SLCO5A1: variants seen among roughly 807,000 people sequenced by gnomAD.
The protein encoded by SLCO5A1 is solute carrier organic anion transporter family member 5A1, also known as organic anion transporter polypeptide-related protein 4.
SLCO5A1 carries 39 observed loss-of-function variants against 65.1 expected under a neutral mutation model. The observed-to-expected ratio is 0.60, with a 90% confidence interval of 0.46 to 0.78. The LOEUF is 0.78. Among genes scored for constraint, SLCO5A1 ranks in the 30% least tolerant of loss-of-function variants. SLCO5A1 has a pLI of 0.00. For missense variants in SLCO5A1, 1,029 were observed against 1,069.4 expected, an observed-to-expected ratio of 0.96 and a Z score of 0.53; for synonymous variants, 438 against 415.7, an observed-to-expected ratio of 1.05 and a Z score of -0.65.
At chr8:69,723,563 T>A (rs999151598) in intron 5 of SLCO5A1, among the ~76,000 whole-genome samples, 13 of 152,166 alleles carry the variant, frequency 8.5e-5, no homozygotes, top group African/African-American at 2.9e-4. Flanking sequence ...AGTTAACATC[T>A]TTCTCAAAAT....
At chr8:69,806,422 C>T (rs900353130) in intron 2 of SLCO5A1, among the ~76,000 whole-genome samples, 2 of 152,132 alleles carry the variant, frequency 1.3e-5, no homozygotes, top group Non-Finnish European at 2.9e-5. Flanking sequence ...TGCTAGGACC[C>T]GGCATTTAAC....
intron 3 of SLCO5A1, among the ~76,000 whole-genome samples, chr8:69,757,625 G>A (rs988791928): frequency 1.3e-5 from 2 of 152,224 alleles, no homozygotes; most frequent in African/African-American, 4.8e-5. Flanking sequence ...GTTGCAGTGA[G>A]CTGAGACCTT....
At position 69,672,660 on chromosome 8, in the gene SLCO5A1, CCTT is replaced by C. The variant is rs1813374855; in HGVS notation, c.*206_*208del. ...TGGGAACAAATCTAGCTGAACGTCTCCTTCTTGGAGAGAAGCGGGGAAAGGCTC... is the reference window on the plus strand; with the variant it reads ...TGGGAACAAATCTAGCTGAACGTCTCCTTGGAGAGAAGCGGGGAAAGGCTC... On this transcript the variant is annotated 3_prime_UTR_variant, in exon 10 of 10. Transcript: ENST00000260126. The C allele has an allele frequency of 3.4e-6, 2 of 586,540 alleles. No homozygotes were observed. The highest frequency in any genetic ancestry group is 5.9e-6 in the Non-Finnish European group (2 of 337,058). The allele number at this position is 586,540 out of a possible 1,614,324, so 36.3% of individuals were successfully genotyped here.
At chr8:69,792,717 G>T (rs1194405383) in intron 2 of SLCO5A1, among the ~76,000 whole-genome samples, 1 of 152,042 alleles carries the variant, frequency 6.6e-6, no homozygotes, top group Admixed American at 6.5e-5. Flanking sequence ...GAGACCAGGA[G>T]ATTCACTGGT....
Position 69,670,942 on chromosome 8 carries a change from A to G in SLCO5A1, c.*1927T>C, listed in dbSNP as rs1813311917. 1 of 152,278 alleles carries G rather than the reference A, an allele frequency of 6.6e-6. No homozygotes were observed. 9.4% of individuals were successfully genotyped at this position (152,278 alleles called of 1,614,324 possible). On this transcript the variant is annotated 3_prime_UTR_variant, in exon 10 of 10. Coordinates refer to ENST00000260126, the MANE Select transcript of SLCO5A1 (RefSeq NM_030958.3). ...GGAACCCTGAGGCCCCAAAGGAGACACTAGTTCAATCAGCAAGGTTTTCTT... is the reference window on the plus strand; with the variant it reads ...GGAACCCTGAGGCCCCAAAGGAGACGCTAGTTCAATCAGCAAGGTTTTCTT...
chr8:69,733,970 C>A (rs191011768), intron 5 of SLCO5A1, among the ~76,000 whole-genome samples: 54 of 152,236 alleles, frequency 3.5e-4, no homozygotes, highest in Non-Finnish European at 6.9e-4. Flanking sequence ...AGATGTGACC[C>A]CAAGTGGGTC....
At chr8:69,750,840 T>C (rs1312669257) in intron 4 of SLCO5A1, among the ~76,000 whole-genome samples, 2 of 152,154 alleles carry the variant, frequency 1.3e-5, no homozygotes, top group African/African-American at 4.8e-5. Flanking sequence ...GACTCTAAGC[T>C]CTTGGAGGGT....
In SLCO5A1 at chr8:69,679,550, G is replaced by A. The variant is rs200097847; in HGVS notation, c.1852C>T (p.Arg618Ter). 12 of 1,614,080 alleles carry A rather than the reference G, an allele frequency of 7.4e-6. No individual in the cohort carries two copies. Among genetic ancestry groups the A allele is most frequent in the Middle Eastern group, 1.6e-4 (1 of 6,084 alleles). ...QVITPPTVGQ[R>*]SQLRVVIVKT... ...ACAATAACCACACGGAGCTGACTTC[G>A]CTGTCCCACGGTGGGTGGAGTGATC... The change falls in exon 8 of 10, where the codon CGA becomes TGA. Residue 618 changes from arginine (R) to a stop codon, truncating the protein, a stop_gained. Coordinates refer to ENST00000260126, the MANE Select transcript of SLCO5A1 (RefSeq NM_030958.3). LOFTEE classifies it high-confidence loss of function.
At chr8:69,785,810 T>C (rs566315474) in intron 2 of SLCO5A1, among the ~76,000 whole-genome samples, 15 of 152,302 alleles carry the variant, frequency 9.8e-5, no homozygotes, top group African/African-American at 3.6e-4. Context: ...CAAACCACCA[T>C]TGCTGCTCTC....
chr8:69,771,956 C>T (rs1017051672), intron 2 of SLCO5A1, among the ~76,000 whole-genome samples: 1 of 152,172 alleles, frequency 6.6e-6, no homozygotes, highest in African/African-American at 2.4e-5. Context: ...TGGGGAGGGT[C>T]CTATGGGTTG....
rs1305822823 is a variant in SLCO5A1 at position 69,669,792 on chromosome 8, G to A, written c.*3077C>T. On this transcript the variant is annotated 3_prime_UTR_variant, in exon 10 of 10. Coordinates refer to ENST00000260126, the MANE Select transcript of SLCO5A1 (RefSeq NM_030958.3). ...GATTAAGCCACTGCACTCCAGCCTG[G>A]GTGACAGAGCAAGACTCTGTCTCAA... The A allele has an allele frequency of 1.4e-5, 2 of 148,132 alleles. No individual in the cohort carries two copies. The highest frequency in any genetic ancestry group is 2.2e-4 in the South Asian group (1 of 4,542). 9.2% of individuals were successfully genotyped at this position (148,132 alleles called of 1,614,324 possible).
chr8:69,797,622 G>T (rs527518266), intron 2 of SLCO5A1, among the ~76,000 whole-genome samples: 1 of 151,890 alleles, frequency 6.6e-6, no homozygotes, highest in East Asian at 1.9e-4. Flanking sequence ...TGGCCACTTC[G>T]TGGCGGGGGG....
chr8:69,793,100 G>A (rs1450132007), intron 2 of SLCO5A1, among the ~76,000 whole-genome samples: 1 of 151,964 alleles, frequency 6.6e-6, no homozygotes, highest in East Asian at 1.9e-4. Flanking sequence ...TCCTGCCTCA[G>A]CCTCCCAAGT....
Position 69,793,518 on chromosome 8 carries a change from C to T in SLCO5A1, c.908-31643G>A, listed in dbSNP as rs1353085552. ...GTGGCTCACGCCTGTTATCTCAACA[C>T]TTTGGAAGGTTGAGGCAGATGGATC... is the stretch of plus-strand genomic sequence containing the variant. On this transcript the variant is annotated intron_variant, in intron 2 of 9. Coordinates refer to ENST00000260126, the MANE Select transcript of SLCO5A1 (RefSeq NM_030958.3). Among the ~76,000 whole-genome samples, 4 of 152,094 alleles carry T rather than the reference C, an allele frequency of 2.6e-5. No individual in the cohort carries two copies. The East Asian group carries it at 7.8e-4, about 30-fold the overall frequency.
At chr8:69,747,251 A>C (rs184807572) in intron 4 of SLCO5A1, among the ~76,000 whole-genome samples, 3 of 152,192 alleles carry the variant, frequency 2.0e-5, no homozygotes, top group Non-Finnish European at 4.4e-5. Flanking sequence ...CATCTCTATA[A>C]GTTAAAATCC....
chr8:69,799,808 C>A (rs112275740), intron 2 of SLCO5A1, among the ~76,000 whole-genome samples: 6 of 152,338 alleles, frequency 3.9e-5, no homozygotes, highest in African/African-American at 1.4e-4. Flanking sequence ...AACCAATGAT[C>A]AACTGCCTCC....
Position 69,832,079 on chromosome 8 carries a change from C to T in SLCO5A1, c.595G>A (p.Ala199Thr). 1 of 1,613,556 alleles carries T rather than the reference C, an allele frequency of 6.2e-7. No homozygotes were observed. Among genetic ancestry groups the T allele is most frequent in the Non-Finnish European group, 8.5e-7 (1 of 1,179,946 alleles). ...GGRGRRPLWL[A>T]VGGLLIAFGA... ...AAGGCGATGAGGAGTCCACCCACGGCCAGCCACAGGGGCCGCCGACCCCGG... is the reference window on the plus strand; with the variant it reads ...AAGGCGATGAGGAGTCCACCCACGGTCAGCCACAGGGGCCGCCGACCCCGG... The change falls in exon 2 of 10, where the codon GCC becomes ACC. Residue 199 changes from alanine to threonine, a missense_variant. By Grantham distance (58) the Ala-to-Thr change is moderately conservative. This residue lies in a region of SLCO5A1 where 647 missense variants were observed against 647.5 expected (regional missense o/e 1.00). Transcript: ENST00000260126. The surrounding 1 kb of genome is among the most constrained non-coding windows in gnomAD (Gnocchi z 4.5).
At chr8:69,741,754 CA>C (rs1816795440) in intron 4 of SLCO5A1, among the ~76,000 whole-genome samples, 1 of 152,020 alleles carries the variant, frequency 6.6e-6, no homozygotes, top group Admixed American at 6.6e-5. Flanking sequence ...TCACCAAATC[CA>C]AATTGAAGGA....
At chr8:69,821,300 A>AG (rs896527538) in intron 2 of SLCO5A1, among the ~76,000 whole-genome samples, 2 of 152,038 alleles carry the variant, frequency 1.3e-5, no homozygotes, top group Non-Finnish European at 2.9e-5. Context: ...TGGAGGTTGC[A>AG]GTGAGCTCAG....
Sources: allele counts gnomAD v4.1 joint callset (sites outside exome capture counted in the v4.1 genomes callset), GRCh38; gene constraint gnomAD v4.1.1; regional missense constraint gnomAD v4.1.1; non-coding constraint Gnocchi (gnomAD v3.1); transcripts MANE v1.5; gene names NCBI Gene and HGNC (gene_info 2026-07-23, HGNC 2026-07-21).